CDKAL1: variants seen among roughly 807,000 people sequenced by gnomAD.
CDKAL1 encodes the protein CDKAL1 threonylcarbamoyladenosine tRNA methylthiotransferase, also known as threonylcarbamoyladenosine tRNA methylthiotransferase.
CDKAL1 carries 32 observed loss-of-function variants against 68.2 expected under a neutral mutation model. The observed-to-expected ratio is 0.47, with a 90% CI of 0.35 to 0.63. The LOEUF is 0.63. Ranked by LOEUF, CDKAL1 falls within the 30% of genes least tolerant of loss-of-function variation. CDKAL1 has a pLI of 0.00. For synonymous variants in CDKAL1, 234 were observed against 244.3 expected, an observed-to-expected ratio of 0.96 and a Z score of 0.39; for missense variants, 606 against 696.7, an observed-to-expected ratio of 0.87 and a Z score of 1.47.
At chr6:20,602,187 A>T (rs1201358398) in intron 4 of CDKAL1, among the ~76,000 whole-genome samples, 1 of 152,154 alleles carries the variant, frequency 6.6e-6, no homozygotes, top group Non-Finnish European at 1.5e-5. Context: ...TTTGCTAAAG[A>T]TACTTATCTA....
At chr6:20,798,937 AAAG>A (rs1171950082) in intron 8 of CDKAL1, among the ~76,000 whole-genome samples, 9 of 150,556 alleles carry the variant, frequency 6.0e-5, no homozygotes, top group South Asian at 2.1e-4. Context: ...AAAAAAAAGA[AAAG>A]AAAATTGTGT....
intron 8 of CDKAL1, among the ~76,000 whole-genome samples, chr6:20,838,995 A>G (rs1007424782): frequency 5.3e-5 from 8 of 151,890 alleles, no homozygotes; most frequent in Middle Eastern, 3.2e-3. Flanking sequence ...AAAAAATTCT[A>G]ACTGGAATGA....
chr6:21,169,595 C>T (rs1313509830), intron 13 of CDKAL1, among the ~76,000 whole-genome samples: 1 of 152,166 alleles, frequency 6.6e-6, no homozygotes, highest in Non-Finnish European at 1.5e-5. Context: ...GAGATCGCAC[C>T]ACTACACCCC....
chr6:21,191,255 G>C (rs1441951851), intron 13 of CDKAL1, among the ~76,000 whole-genome samples: 2 of 152,178 alleles, frequency 1.3e-5, no homozygotes, highest in African/African-American at 4.8e-5. Flanking sequence ...CATTCATTCA[G>C]CAACCAAATT....
chr6:20,792,163 GT>G (rs1297637536), intron 8 of CDKAL1, among the ~76,000 whole-genome samples: 2 of 152,068 alleles, frequency 1.3e-5, no homozygotes, highest in Non-Finnish European at 2.9e-5. Flanking sequence ...AGCACCAGTT[GT>G]TTTATTTTTT....
At chr6:20,914,663 G>A (rs9465932) in intron 9 of CDKAL1, among the ~76,000 whole-genome samples, 16,216 of 152,180 alleles carry the variant, frequency 0.11, 965 homozygotes, top group African/African-American at 0.14. Context: ...GGATATTTCT[G>A]TACTGTCTTC....
intron 8 of CDKAL1, among the ~76,000 whole-genome samples, chr6:20,824,167 G>A (rs1777403908): frequency 6.6e-6 from 1 of 152,126 alleles, no homozygotes; most frequent in South Asian, 2.1e-4. Context: ...AGGCTGTCTA[G>A]TCTGTAGTGC....
intron 15 of CDKAL1, among the ~76,000 whole-genome samples, chr6:21,224,698 A>ACTT (rs1779672002): frequency 6.6e-6 from 1 of 152,130 alleles, no homozygotes; most frequent in Non-Finnish European, 1.5e-5. Flanking sequence ...TTGACATAGA[A>ACTT]CTTCTGACCT....
intron 9 of CDKAL1, among the ~76,000 whole-genome samples, chr6:20,848,500 C>CT (rs1758811596): frequency 1.3e-5 from 2 of 152,132 alleles, no homozygotes; most frequent in Non-Finnish European, 2.9e-5. Flanking sequence ...AGTAAGTTAA[C>CT]ATTGTCATAT....
intron 12 of CDKAL1, among the ~76,000 whole-genome samples, chr6:21,093,424 G>C (rs975970581): frequency 1.3e-5 from 2 of 152,116 alleles, no homozygotes; most frequent in Admixed American, 1.3e-4. Context: ...CGAAGATGTG[G>C]GATAAAGGAA....
At chr6:21,174,968 T>G (rs1777524118) in intron 13 of CDKAL1, among the ~76,000 whole-genome samples, 1 of 152,204 alleles carries the variant, frequency 6.6e-6, no homozygotes, top group Admixed American at 6.5e-5. Context: ...TAGGGCTTTA[T>G]GTGGCAACAT....
chr6:21,061,752 T>A (rs1025959451), intron 11 of CDKAL1, among the ~76,000 whole-genome samples: 1 of 152,190 alleles, frequency 6.6e-6, no homozygotes, highest in Non-Finnish European at 1.5e-5. Context: ...TTTTCAAGAA[T>A]GTAAGTAGGA....
At chr6:20,895,070 T>A (rs558654311) in intron 9 of CDKAL1, among the ~76,000 whole-genome samples, 11 of 152,354 alleles carry the variant, frequency 7.2e-5, no homozygotes, top group African/African-American at 2.4e-4. Context: ...TGTATCTTTT[T>A]TCTCTATGTG....
intron 12 of CDKAL1, among the ~76,000 whole-genome samples, chr6:21,080,882 G>A (rs1356745468): frequency 1.3e-5 from 2 of 152,180 alleles, no homozygotes; most frequent in East Asian, 3.9e-4. Flanking sequence ...GCTCTTTCAT[G>A]TGACTCTCCT....
At chr6:20,915,937 A>T (rs1762705192) in intron 9 of CDKAL1, among the ~76,000 whole-genome samples, 1 of 148,254 alleles carries the variant, frequency 6.7e-6, no homozygotes, top group Admixed American at 6.8e-5. Flanking sequence ...ATGTTGAGTT[A>T]AAAAAAAAAG....
intron 11 of CDKAL1, among the ~76,000 whole-genome samples, chr6:21,002,397 T>C (rs1258128115): frequency 1.3e-5 from 2 of 152,104 alleles, no homozygotes; most frequent in African/African-American, 4.8e-5. Flanking sequence ...CTCCATCCCA[T>C]ACCCCCCCAT....
intron 9 of CDKAL1, among the ~76,000 whole-genome samples, chr6:20,932,834 TC>T (rs1268642017): frequency 6.6e-6 from 1 of 152,172 alleles, no homozygotes; most frequent in Non-Finnish European, 1.5e-5. Context: ...CATAGAACCC[TC>T]CTAGGGGAAC....
intron 4 of CDKAL1, among the ~76,000 whole-genome samples, chr6:20,599,614 T>A (rs986700842): frequency 2.0e-5 from 3 of 152,072 alleles, no homozygotes; most frequent in African/African-American, 7.3e-5. Context: ...GAGTTCAAAT[T>A]CTGTGGATAT....
At chr6:20,983,288 CTTAGT>C (rs1357055043) in intron 10 of CDKAL1, among the ~76,000 whole-genome samples, 3 of 152,266 alleles carry the variant, frequency 2.0e-5, no homozygotes, top group African/African-American at 4.8e-5. Flanking sequence ...AGCTAGTTAA[CTTAGT>C]TTAAACGCAT....
Sources: allele counts gnomAD v4.1 joint callset (sites outside exome capture counted in the v4.1 genomes callset), GRCh38; gene constraint gnomAD v4.1.1; transcripts MANE v1.5; gene names NCBI Gene and HGNC (gene_info 2026-07-23, HGNC 2026-07-21).